The following RHD variants were observed in gnomAD, a reference collection of about 807,000 sequenced individuals.
RHD encodes blood group Rh(D) polypeptide.
RHD carries 16 observed loss-of-function variants against 45.5 expected under a neutral mutation model. The observed-to-expected ratio is 0.35, with a 90% CI of 0.24 to 0.53. The LOEUF (loss-of-function observed/expected upper bound fraction) is 0.53. RHD is among the 20% of genes least tolerant of loss of function. RHD has a pLI of 0.92. For synonymous variants in RHD, 131 were observed against 217.5 expected, an observed-to-expected ratio of 0.60 and a Z score of 3.50; for missense variants, 306 against 532.0, an observed-to-expected ratio of 0.58 and a Z score of 4.18.
chr1:25,314,107 G>T lies in RHD; in HGVS notation c.1074-2893G>T, dbSNP rs1304670447. On this transcript the variant is annotated intron_variant, in intron 7 of 9. Coordinates refer to ENST00000328664, the MANE Select transcript of RHD (RefSeq NM_016124.6). ...ACTTCTGTTGATTATATGCCTAGAA[G>T]TGAAATTGTTGAATTATACAGTATT... is the stretch of plus-strand genomic sequence containing the variant. 3.8e-5 allele frequency among the ~76,000 whole-genome samples: 5 copies of T among 132,764 alleles called. 1 individual carries two copies. The highest frequency in any genetic ancestry group is 1.3e-4 in the African/African-American group (5 of 38,922). The allele number at this position is 132,764 out of a possible 152,430, so 87.1% of individuals were successfully genotyped here. A position where few individuals can be genotyped will look rare whatever the true frequency, so the allele number is the denominator to read the frequency against.
In RHD at chr1:25,312,198, T is replaced by C. The variant is rs1351506305; in HGVS notation, c.1074-4802T>C. On this transcript the variant is annotated intron_variant, in intron 7 of 9. Transcript: ENST00000328664. Reference sequence around the variant, plus strand: ...AGGTTTAAGGTTTAATGTTGTTTTCTATGTTGGGTTTTGTACTTTCCTGGA... The same window carrying C: ...AGGTTTAAGGTTTAATGTTGTTTTCCATGTTGGGTTTTGTACTTTCCTGGA... 3.1e-5 allele frequency among the ~76,000 whole-genome samples: 3 copies of C among 96,468 alleles called. 1 individual carries two copies. Among genetic ancestry groups the C allele is most frequent in the Admixed American group, 1.0e-4 (1 of 10,020 alleles). The allele number at this position is 96,468 out of a possible 152,430, so 63.3% of individuals were successfully genotyped here. A position where few individuals can be genotyped will look rare whatever the true frequency, so the allele number is the denominator to read the frequency against.
intron 8 of RHD, among the ~76,000 whole-genome samples, chr1:25,321,674 T>TAAATAAAATAAAATAAAACA (rs1644715211): frequency 1.1e-5 from 1 of 91,228 alleles, no homozygotes; most frequent in Admixed American, 1.2e-4. Flanking sequence ...TGTCTCAAAA[T>TAAATAAAATAAAATAAAACA]AAATAAAATA....
rs751746562 is a variant in RHD, at chr1:25,306,645, A to C, written c.989A>C (p.Tyr330Ser). The C allele has an allele frequency of 5.1e-6, 7 of 1,378,536 alleles. 1 individual carries two copies. The East Asian group carries it at 6.7e-5, about 13-fold the overall frequency. The allele number at this position is 1,378,536 out of a possible 1,614,324, so 85.4% of individuals were successfully genotyped here. Reference protein sequence around the residue: ...LGIPHSSIMGYNFSLLGLLGE... With the variant: ...LGIPHSSIMGSNFSLLGLLGE... ...ATTCCCCACAGCTCCATCATGGGCTACAACTTCAGCTTGCTGGGTCTGCTT... is the reference window on the plus strand; with the variant it reads ...ATTCCCCACAGCTCCATCATGGGCTCCAACTTCAGCTTGCTGGGTCTGCTT... The change falls in exon 7 of 10, where the codon TAC (tyrosine) becomes TCC (serine). Residue 330 changes from tyrosine to serine, a missense_variant. Tyr to Ser is a moderately radical substitution (Grantham distance 144). Transcript: ENST00000328664.
intron 4 of RHD, 106 bp downstream of exon 4, chr1:25,301,199 G>A: frequency 9.5e-7 from 1 of 1,048,196 alleles, no homozygotes; most frequent in South Asian, 1.3e-5. Flanking sequence ...TCCCCTGGGT[G>A]TCTGAAGCCC....
rs1557529488 is a variant in RHD, at chr1:25,291,142, G to GGATAGATAGATAGATAGATAGATA, written c.486+357_486+358insTAGATAGATAGATAGATAGATAGA. ...CTCATCTCTAAATAAATAGGTAGGT[G>GGATAGATAGATAGATAGATAGATA]GATAGACAGATAGATAGATAGACAG... is the stretch of plus-strand genomic sequence containing the variant. On this transcript the variant is annotated intron_variant, in intron 3 of 9. Coordinates refer to ENST00000328664, the MANE Select transcript of RHD (RefSeq NM_016124.6). 1.2e-3 allele frequency among the ~76,000 whole-genome samples: 146 copies of GGATAGATAGATAGATAGATAGATA among 125,614 alleles called. 8 individuals are homozygous for GGATAGATAGATAGATAGATAGATA. Among genetic ancestry groups the GGATAGATAGATAGATAGATAGATA allele is most frequent in the African/African-American group, 3.9e-3 (134 of 34,378 alleles). 82.4% of individuals were successfully genotyped at this position (125,614 alleles called of 152,430 possible). A position where few individuals can be genotyped will look rare whatever the true frequency, so the allele number is the denominator to read the frequency against.
Position 25,330,005 on chromosome 1 carries a change from T to G in RHD, c.*1081T>G, listed in dbSNP as rs1437556820. On this transcript the variant is annotated 3_prime_UTR_variant, in exon 10 of 10. Coordinates refer to ENST00000328664, the MANE Select transcript of RHD (RefSeq NM_016124.6). ...TGGTGTTTTGAAGAATTAACAGCTT[T>G]GTGAACGTGGCAGTGCTTGTGATTC... is the stretch of plus-strand genomic sequence containing the variant. 2.3e-5 allele frequency: 3 copies of G among 132,490 alleles called. 1 individual carries two copies. Among genetic ancestry groups the G allele is most frequent in the Non-Finnish European group, 5.4e-5 (3 of 55,884 alleles). The allele number at this position is 132,490 out of a possible 1,614,324, so 8.2% of individuals were successfully genotyped here.
At chr1:25,301,277 G>C (rs527648960) in intron 4 of RHD, among the ~76,000 whole-genome samples, 184 bp downstream of exon 4, 1 of 131,394 alleles carries the variant, frequency 7.6e-6, no homozygotes, top group East Asian at 2.0e-4. Context: ...GCACTTCACA[G>C]AGCAGGTTCA....
intron 7 of RHD, among the ~76,000 whole-genome samples, chr1:25,312,952 A>AAAAAAAAAAAAAAAAAATC (rs1644242426): frequency 9.0e-6 from 1 of 110,976 alleles, no homozygotes; most frequent in South Asian, 2.9e-4. Flanking sequence ...AAAAAAAAAA[A>AAAAAAAAAAAAAAAAAATC]AAACTTTAGT....
At chr1:25,315,305 G>A (rs1465533464) in intron 7 of RHD, among the ~76,000 whole-genome samples, 1 of 129,000 alleles carries the variant, frequency 7.8e-6, no homozygotes, top group South Asian at 2.4e-4. Context: ...CCTGAACTGT[G>A]TTTGGAGCTG....
In RHD at chr1:25,288,654, T is replaced by C. The variant is rs1189322645; in HGVS notation, c.336-1987T>C. Among the ~76,000 whole-genome samples the C allele has an allele frequency of 1.6e-5, 2 of 127,562 alleles. 1 individual carries two copies. Among genetic ancestry groups the C allele is most frequent in the African/African-American group, 5.5e-5 (2 of 36,598 alleles). The allele number at this position is 127,562 out of a possible 152,430, so 83.7% of individuals were successfully genotyped here. A position where few individuals can be genotyped will look rare whatever the true frequency, so the allele number is the denominator to read the frequency against. Reference sequence around the variant, plus strand: ...ATGGAGGCACCAAGGCACAGAGTGATTAAATAAATTGCCCAGGATCACACA... The same window carrying C: ...ATGGAGGCACCAAGGCACAGAGTGACTAAATAAATTGCCCAGGATCACACA... On this transcript the variant is annotated intron_variant, in intron 2 of 9. Coordinates refer to ENST00000328664, the MANE Select transcript of RHD (RefSeq NM_016124.6).
chr1:25,306,710 G>C lies in RHD; in HGVS notation c.1054G>C (p.Val352Leu), dbSNP rs376674958. 2 of 1,377,824 alleles carry C rather than the reference G, an allele frequency of 1.5e-6. No individual in the cohort carries two copies. Among genetic ancestry groups the C allele is most frequent in the Non-Finnish European group, 2.0e-6 (2 of 978,658 alleles). 85.3% of individuals were successfully genotyped at this position (1,377,824 alleles called of 1,614,324 possible). The change falls in exon 7 of 10, where the codon GTC becomes CTC. Residue 352 changes from valine (V) to leucine (L), a missense_variant. Val to Leu is a conservative substitution (Grantham distance 32). Transcript: ENST00000328664. Reference protein sequence around the residue: ...IYIVLLVLDTVGAGNGMIGFQ... With the variant: ...IYIVLLVLDTLGAGNGMIGFQ... ...CATTGTGCTGCTGGTGCTTGATACCGTCGGAGCCGGCAATGGCATGTGGGT... is the reference window on the plus strand; with the variant it reads ...CATTGTGCTGCTGGTGCTTGATACCCTCGGAGCCGGCAATGGCATGTGGGT...
chr1:25,307,852 G>A (rs1643933986), intron 7 of RHD: 1 of 1,292,878 alleles, frequency 7.7e-7, no homozygotes, highest in African/African-American at 1.5e-5. Context: ...GAGGGGATGA[G>A]CTGTGTGAAG....
At chr1:25,300,549 C>T (rs1339451504) in intron 3 of RHD, among the ~76,000 whole-genome samples, 1 of 128,692 alleles carries the variant, frequency 7.8e-6, no homozygotes, top group Non-Finnish European at 1.8e-5. Flanking sequence ...GTGGCTCATG[C>T]CTGTAATCCC....
Position 25,302,986 on chromosome 1 carries a change from A to T in RHD, c.802-336A>T, listed in dbSNP as rs1320819757. Among the ~76,000 whole-genome samples, 13 of 130,744 alleles carry T rather than the reference A, an allele frequency of 9.9e-5. 3 individuals carry two copies. Among genetic ancestry groups the T allele is most frequent in the Non-Finnish European group, 1.4e-4 (8 of 55,386 alleles). The allele number at this position is 130,744 out of a possible 152,430, so 85.8% of individuals were successfully genotyped here. ...TAGCAAGACCCTGTCTCTAAAAAAT[A>T]AAACAAAAACCCATTCTTCCCGCTG... is the stretch of plus-strand genomic sequence containing the variant. On this transcript the variant is annotated intron_variant, in intron 5 of 9. Transcript: ENST00000328664.
rs77813628 is a variant in RHD, at chr1:25,301,038, G to C, written c.579G>C (p.Glu193Asp). The C allele has an allele frequency of 2.2e-6, 3 of 1,377,472 alleles. No homozygotes were observed. The highest frequency in any genetic ancestry group is 3.6e-5 in the Admixed American group (2 of 56,074). 85.3% of individuals were successfully genotyped at this position (1,377,472 alleles called of 1,614,324 possible). The change falls in exon 4 of 10, where the codon GAG becomes GAC. Residue 193 changes from glutamate to aspartate, a missense_variant. Transcript: ENST00000328664. ...VAWCLPKPLP[E>D]GTEDKDQTAT... ...GGTGCCTGCCAAAGCCTCTACCCGA[G>C]GGAACGGAGGATAAAGATCAGACAG...
intron 5 of RHD, among the ~76,000 whole-genome samples, chr1:25,302,580 A>G (rs1313281652): frequency 7.7e-6 from 1 of 130,158 alleles, no homozygotes; most frequent in African/African-American, 2.7e-5. Context: ...AGGGTGTCAG[A>G]TAAGAGCAAG....
intron 2 of RHD, among the ~76,000 whole-genome samples, chr1:25,285,275 C>T (rs1268276022): frequency 3.7e-5 from 5 of 133,650 alleles, no homozygotes. Flanking sequence ...GCTGGGATTA[C>T]AGGCATGTGC....
In RHD at chr1:25,311,482, G is replaced by C. The variant is rs1263453644; in HGVS notation, c.1073+4753G>C. 7.7e-5 allele frequency among the ~76,000 whole-genome samples: 10 copies of C among 129,654 alleles called. 3 individuals are homozygous for C. Among genetic ancestry groups the C allele is most frequent in the African/African-American group, 2.6e-4 (10 of 38,036 alleles). 85.1% of individuals were successfully genotyped at this position (129,654 alleles called of 152,430 possible). A position where few individuals can be genotyped will look rare whatever the true frequency, so the allele number is the denominator to read the frequency against. On this transcript the variant is annotated intron_variant, in intron 7 of 9. Coordinates refer to ENST00000328664, the MANE Select transcript of RHD (RefSeq NM_016124.6). Reference sequence around the variant, plus strand: ...AGAGCTTGCAGTGAGCCAAGATCGCGCCACTGCACTCCAGCCTGGGCGACA... The same window carrying C: ...AGAGCTTGCAGTGAGCCAAGATCGCCCCACTGCACTCCAGCCTGGGCGACA...
chr1:25,322,336 C>T (rs1308838715), intron 9 of RHD, among the ~76,000 whole-genome samples: 1 of 132,538 alleles, frequency 7.5e-6, no homozygotes, highest in African/African-American at 2.6e-5. Context: ...GGAGTCCAAC[C>T]CCTTTTTTGA....
Sources: gnomAD v4.1 joint callset for allele counts (sites outside exome capture counted in the v4.1 genomes callset) on GRCh38, gnomAD v4.1.1 for gene constraint, MANE v1.5 for transcripts, NCBI Gene and HGNC (gene_info 2026-07-23, HGNC 2026-07-21) for gene names.